The following HNRNPUL1 variants were observed in gnomAD, a reference collection of about 807,000 sequenced individuals.
The protein encoded by HNRNPUL1 is heterogeneous nuclear ribonucleoprotein U like 1.
Under a neutral mutation model 108.5 loss-of-function variants are expected in HNRNPUL1, and 14 were observed. The ratio of observed to expected loss-of-function variants is 0.13; its 90% CI spans 0.09 to 0.20. The LOEUF (loss-of-function observed/expected upper bound fraction) is 0.20, where lower values mean the gene tolerates loss of function less well. HNRNPUL1 is among the 10% of genes least tolerant of loss of function. HNRNPUL1 has a pLI of 1.00. For missense variants in HNRNPUL1, 804 were observed against 1,168.3 expected, an observed-to-expected ratio of 0.69 and a Z score of 4.55; for synonymous variants, 422 against 445.2, an observed-to-expected ratio of 0.95 and a Z score of 0.66.
chr19:41,264,783 G>C lies in HNRNPUL1; in HGVS notation c.280G>C (p.Gly94Arg). The C allele has an allele frequency of 7.3e-7, 1 of 1,366,706 alleles. No homozygotes were observed. The allele number at this position is 1,366,706 out of a possible 1,614,324, so 84.7% of individuals were successfully genotyped here. The change falls in exon 1 of 15, where the codon GGG becomes CGG. Residue 94 changes from glycine to arginine, a missense_variant. Coordinates refer to ENST00000392006, the MANE Select transcript of HNRNPUL1 (RefSeq NM_007040.6). ...QPHAEPGGYS[G>R]PDGHYAMDNI... is the part of the protein sequence containing the mutation. ...GCACGCGGAGCCCGGCGGCTACTCG[G>C]GGCCGGACGGACATTGTGAGAGTGC...
At chr19:41,274,935 C>T (rs1321290005) in intron 4 of HNRNPUL1, among the ~76,000 whole-genome samples, 3 of 152,106 alleles carry the variant, frequency 2.0e-5, no homozygotes, top group African/African-American at 4.8e-5. Context: ...CATGAGGCAG[C>T]GTCTAGATGA....
At chr19:41,269,118 G>T (rs528260322) in intron 2 of HNRNPUL1, among the ~76,000 whole-genome samples, 1 of 150,882 alleles carries the variant, frequency 6.6e-6, no homozygotes, top group South Asian at 2.1e-4. Flanking sequence ...GTGCTTGTTA[G>T]AACATTAAAG....
intron 1 of HNRNPUL1, chr19:41,265,013 C>T (rs1443133875): frequency 4.3e-6 from 6 of 1,381,458 alleles, no homozygotes; most frequent in Non-Finnish European, 5.6e-6. Flanking sequence ...GGGGAGGGGC[C>T]TCTGGGTTTC....
In HNRNPUL1 at chr19:41,306,533, G is replaced by A. The variant is rs1454168002; in HGVS notation, c.2539G>A (p.Gly847Arg). Reference protein sequence around the residue: ...YGNYDYGSYSGNTQGGTSTQ With the variant: ...YGNYDYGSYSRNTQGGTSTQ ...GAACTACGACTACGGGAGCTACTCC[G>A]GGAACACACAGGGTGGCACAAGTAC... The change falls in exon 15 of 15, where the codon GGG becomes AGG. Residue 847 changes from glycine (G) to arginine (R), a missense_variant. By Grantham distance (125) the Gly-to-Arg change is moderately radical. This residue lies in a region of HNRNPUL1 where 294 missense variants were observed against 388.3 expected (regional missense o/e 0.76). Coordinates refer to ENST00000392006, the MANE Select transcript of HNRNPUL1 (RefSeq NM_007040.6). 5.6e-6 allele frequency: 9 copies of A among 1,606,024 alleles called. No homozygotes were observed. Among genetic ancestry groups the A allele is most frequent in the South Asian group, 4.4e-5 (4 of 90,052 alleles).
At chr19:41,290,140 G>A (rs748434237) in intron 7 of HNRNPUL1, among the ~76,000 whole-genome samples, 7 of 152,112 alleles carry the variant, frequency 4.6e-5, no homozygotes, top group Non-Finnish European at 7.3e-5. Context: ...TGCTTCTGTC[G>A]CTTCTTGAAG....
chr19:41,293,737 C>T (rs981898927), intron 8 of HNRNPUL1, among the ~76,000 whole-genome samples: 5 of 152,140 alleles, frequency 3.3e-5, no homozygotes, highest in African/African-American at 4.8e-5. Flanking sequence ...TGGCAAATGC[C>T]TATAATTCCA....
rs1172057541 is a variant in HNRNPUL1 at position 41,301,520 on chromosome 19, GTTACC to G, written c.1519-10_1519-6del. On this transcript the variant is annotated splice_polypyrimidine_tract_variant and intron_variant, in intron 10 of 14. Coordinates refer to ENST00000392006, the MANE Select transcript of HNRNPUL1 (RefSeq NM_007040.6). ...TAATGTACCATCTCTTGCCTCTTCT[GTTACC>G]TTACCCTTAGACAAATGTTTATGGG... The G allele has an allele frequency of 6.2e-7, 1 of 1,602,468 alleles. No individual in the cohort carries two copies. Among genetic ancestry groups the G allele is most frequent in the Non-Finnish European group, 8.5e-7 (1 of 1,175,492 alleles).
intron 3 of HNRNPUL1, 128 bp downstream of exon 3, chr19:41,272,363 C>T: frequency 1.0e-6 from 1 of 953,354 alleles, no homozygotes; most frequent in Non-Finnish European, 1.6e-6. Flanking sequence ...TCACACTCTT[C>T]CTGTCCCTTC....
intron 7 of HNRNPUL1, among the ~76,000 whole-genome samples, chr19:41,290,196 T>G (rs959198876): frequency 6.6e-6 from 1 of 152,156 alleles, no homozygotes; most frequent in Non-Finnish European, 1.5e-5. Context: ...AAATTATACT[T>G]TCATATCAGA....
At chr19:41,284,049 A>T (rs1476833817) in intron 7 of HNRNPUL1, among the ~76,000 whole-genome samples, 2 of 152,246 alleles carry the variant, frequency 1.3e-5, no homozygotes, top group African/African-American at 4.8e-5. Flanking sequence ...GTATCACAGT[A>T]AAAAGTGATC....
chr19:41,290,891 C>A (rs2036539444), intron 7 of HNRNPUL1, among the ~76,000 whole-genome samples: 1 of 152,074 alleles, frequency 6.6e-6, no homozygotes, highest in Non-Finnish European at 1.5e-5. Flanking sequence ...ACCCCGTCTA[C>A]TAAAAATACA....
At chr19:41,270,949 G>A (rs1329952949) in intron 2 of HNRNPUL1, among the ~76,000 whole-genome samples, 1 of 152,068 alleles carries the variant, frequency 6.6e-6, no homozygotes, top group Non-Finnish European at 1.5e-5. Context: ...CAGAGCTGGG[G>A]CTACAACCTA....
chr19:41,263,451 A>ATGGTCGCG (rs369185917), upstream of HNRNPUL1, among the ~76,000 whole-genome samples: 632 of 152,166 alleles, frequency 4.2e-3, 6 homozygotes, highest in African/African-American at 0.014. Context: ...GGAAGGCTCT[A>ATGGTCGCG]TGGTCGCGTG....
intron 2 of HNRNPUL1, among the ~76,000 whole-genome samples, chr19:41,270,382 A>G (rs987411922): frequency 3.3e-5 from 5 of 152,162 alleles, no homozygotes; most frequent in Non-Finnish European, 2.9e-5. Context: ...CAGCCTGGGC[A>G]ACAGTAAGCC....
intron 4 of HNRNPUL1, among the ~76,000 whole-genome samples, chr19:41,274,829 A>G (rs1347818687): frequency 3.3e-5 from 5 of 152,230 alleles, no homozygotes. Context: ...TAAGAGATAA[A>G]AATATACACA....
chr19:41,277,443 AT>A (rs2035633013), intron 5 of HNRNPUL1, among the ~76,000 whole-genome samples: 1 of 152,222 alleles, frequency 6.6e-6, no homozygotes, highest in Admixed American at 6.5e-5. Context: ...GCATTATTTT[AT>A]GTACCTCTCA....
At chr19:41,268,703 C>T (rs1217916072) in intron 2 of HNRNPUL1, among the ~76,000 whole-genome samples, 1 of 151,910 alleles carries the variant, frequency 6.6e-6, no homozygotes, top group African/African-American at 2.4e-5. Context: ...ACTAAAAATA[C>T]AAAAATTAGC....
At chr19:41,270,254 G>A (rs1381906233) in intron 2 of HNRNPUL1, among the ~76,000 whole-genome samples, 1 of 151,832 alleles carries the variant, frequency 6.6e-6, no homozygotes, top group Non-Finnish European at 1.5e-5. Flanking sequence ...AAGTTCTGGG[G>A]TTACAGGCGT....
Position 41,264,409 on chromosome 19 carries a change from C to G in HNRNPUL1, c.-95C>G, listed in dbSNP as rs974954835. Reference sequence around the variant, plus strand: ...TGCCGCCATTGGAGTGGGCCCCCCCCCTTTCCCCCTTCGCCTCCTGACAGG... The same window carrying G: ...TGCCGCCATTGGAGTGGGCCCCCCCGCTTTCCCCCTTCGCCTCCTGACAGG... On this transcript the variant is annotated 5_prime_UTR_variant, in exon 1 of 15. Coordinates refer to ENST00000392006, the MANE Select transcript of HNRNPUL1 (RefSeq NM_007040.6). 9.9e-5 allele frequency: 108 copies of G among 1,095,284 alleles called. No individual in the cohort carries two copies. Among genetic ancestry groups the G allele is most frequent in the Non-Finnish European group, 1.1e-4 (96 of 846,110 alleles). The allele number at this position is 1,095,284 out of a possible 1,614,324, so 67.8% of individuals were successfully genotyped here. A position where few individuals can be genotyped will look rare whatever the true frequency, so the allele number is the denominator to read the frequency against.
Sources: gnomAD v4.1 joint callset for allele counts (sites outside exome capture counted in the v4.1 genomes callset) on GRCh38, gnomAD v4.1.1 for gene constraint, gnomAD v4.1.1 regional missense constraint, MANE v1.5 for transcripts, NCBI Gene and HGNC (gene_info 2026-07-23, HGNC 2026-07-21) for gene names.